The following POLR3A variants were observed in gnomAD, a reference collection of about 807,000 sequenced individuals.
POLR3A encodes RNA polymerase III subunit A.
POLR3A carries 112 observed loss-of-function variants against 152.8 expected under a neutral mutation model. The observed-to-expected ratio is 0.73, with a 90% CI of 0.63 to 0.86. POLR3A has a LOEUF of 0.86. Ranked by LOEUF, POLR3A falls within the 40% of genes least tolerant of loss-of-function variation. The pLI, the probability that POLR3A is intolerant of heterozygous loss-of-function variation, is 0.00. For synonymous variants in POLR3A, 615 were observed against 652.1 expected (o/e 0.94, Z 0.87); for missense variants, 1,385 against 1,743.1 (o/e 0.79, Z 3.66).
intron 5 of POLR3A, 49 bp downstream of exon 5, chr10:78,024,500 G>GAGGCAGGCGGGAGGCAGGCGGA: frequency 6.2e-7 from 1 of 1,601,652 alleles, no homozygotes; most frequent in Non-Finnish European, 8.5e-7. Flanking sequence ...ACGTGCGGAA[G>GAGGCAGGCGGGAGGCAGGCGGA]AGGCAGGCGG....
intron 11 of POLR3A, among the ~76,000 whole-genome samples, chr10:78,011,177 A>G (rs1847463363): frequency 6.6e-6 from 1 of 152,106 alleles, no homozygotes; most frequent in Admixed American, 6.6e-5. Context: ...TGCTTCTCCA[A>G]AGAAAATTCA....
chr10:78,021,828 G>C (rs758147113), intron 7 of POLR3A, 32 bp downstream of exon 7: 1 of 1,612,506 alleles, frequency 6.2e-7, no homozygotes, highest in African/African-American at 1.3e-5. Flanking sequence ...AAGAGAGTGG[G>C]CTGGCTTCTG....
At chr10:78,028,017 T>C (rs1287557710) in intron 1 of POLR3A, among the ~76,000 whole-genome samples, 1 of 152,170 alleles carries the variant, frequency 6.6e-6, no homozygotes, top group Non-Finnish European at 1.5e-5. Flanking sequence ...GAATGCTGCA[T>C]TCACCTAGGT....
At chr10:78,000,865 A>T (rs1360278129) in intron 18 of POLR3A, 111 bp downstream of exon 18, 2 of 700,664 alleles carry the variant, frequency 2.9e-6, no homozygotes, top group African/African-American at 3.5e-5. Flanking sequence ...ACATATATAA[A>T]ACTCCACATG....
Position 77,993,263 on chromosome 10 carries a change from T to C in POLR3A, c.2721A>G (p.Leu907=). The C allele has an allele frequency of 6.2e-7, 1 of 1,613,584 alleles. No individual in the cohort carries two copies. The highest frequency in any genetic ancestry group is 8.5e-7 in the Non-Finnish European group (1 of 1,179,484). ...IIQFIYGGDG[L]DPAAMEGKDE... is the part of the protein sequence containing the mutation. ...CTTTTCCCTCCATAGCTGCAGGATC[T>C]AAGCCATCTCCTCCATAAATGAACT... Residue 907 remains leucine (L), a synonymous_variant, in exon 20 of 31, where the codon TTA becomes TTG. Transcript: ENST00000372371.
chr10:78,012,548 C>G (rs1187010670), intron 11 of POLR3A, among the ~76,000 whole-genome samples: 2 of 151,992 alleles, frequency 1.3e-5, no homozygotes, highest in Non-Finnish European at 2.9e-5. Flanking sequence ...ATAAGACTTA[C>G]CAGTTCCTAA....
Position 77,991,182 on chromosome 10 carries a change from G to T in POLR3A, c.2788-15C>A. The T allele has an allele frequency of 6.7e-7, 1 of 1,489,332 alleles. No homozygotes were observed. Among genetic ancestry groups the T allele is most frequent in the Non-Finnish European group, 9.4e-7 (1 of 1,066,138 alleles). 92.3% of individuals were successfully genotyped at this position (1,489,332 alleles called of 1,614,324 possible). A position where few individuals can be genotyped will look rare whatever the true frequency, so the allele number is the denominator to read the frequency against. On this transcript the variant is annotated splice_polypyrimidine_tract_variant and intron_variant, in intron 20 of 30. Transcript: ENST00000372371. ...GGGAAGACTGCCTTGAGTATTAAAA[G>T]AAAATTGCATTATGTGTGGGTGCCA...
chr10:78,014,751 G>A (rs1022888598), intron 10 of POLR3A, among the ~76,000 whole-genome samples: 6 of 152,092 alleles, frequency 3.9e-5, no homozygotes, highest in African/African-American at 1.4e-4. Context: ...ACGAACACAG[G>A]AGAGCACTAA....
intron 5 of POLR3A, among the ~76,000 whole-genome samples, chr10:78,022,809 GA>G (rs562203430): frequency 3.6e-4 from 55 of 152,094 alleles, no homozygotes; most frequent in South Asian, 1.2e-3. Context: ...CCATTGGGGG[GA>G]AAAAAAGATA....
intron 1 of POLR3A, among the ~76,000 whole-genome samples, chr10:78,028,112 C>A (rs559616828): frequency 6.6e-6 from 1 of 152,298 alleles, no homozygotes; most frequent in Admixed American, 6.5e-5. Flanking sequence ...GTCTCTCGAC[C>A]TCTAATTCTT....
Position 77,981,467 on chromosome 10 carries a change from C to G in POLR3A, c.3852G>C (p.Arg1284Ser). 6.2e-7 allele frequency: 1 copy of G among 1,614,066 alleles called. No individual in the cohort carries two copies. Among genetic ancestry groups the G allele is most frequent in the Non-Finnish European group, 8.5e-7 (1 of 1,179,950 alleles). The change falls in exon 29 of 31, where the codon AGG becomes AGC. Residue 1284 changes from arginine (R) to serine (S), a missense_variant. Physicochemically the swap from Arg to Ser is moderately radical, Grantham distance 110 (BLOSUM62 -1). Around this residue, in one of 7 missense-constraint regions of POLR3A, gnomAD observed 332 missense variants for 400.1 expected, o/e 0.83. Transcript: ENST00000372371. ...TMVNHGMSID[R>S]RHVMLLSDLM... ...GGTCGGAGAGCAGCATCACGTGCCT[C>G]CTGTCGATGCTCATGCCGTGGTTCA...
rs762999828 is a variant in POLR3A at position 77,981,482 on chromosome 10, G to A, written c.3837C>T (p.Gly1279=). The A allele has an allele frequency of 6.2e-7, 1 of 1,614,006 alleles. No individual in the cohort carries two copies. The highest frequency in any genetic ancestry group is 1.7e-5 in the Admixed American group (1 of 60,018). ...TCACGTGCCTCCTGTCGATGCTCAT[G>A]CCGTGGTTCACCATGGTGTACTGGA... is the stretch of plus-strand genomic sequence containing the variant. ...NEIQYTMVNH[G]MSIDRRHVML... The change falls in exon 29 of 31, where the codon GGC becomes GGT. Residue 1279 remains glycine (G), a synonymous_variant. Coordinates refer to ENST00000372371, the MANE Select transcript of POLR3A (RefSeq NM_007055.4).
intron 20 of POLR3A, among the ~76,000 whole-genome samples, chr10:77,992,337 T>A (rs906960115): frequency 9.9e-5 from 15 of 151,104 alleles, no homozygotes; most frequent in African/African-American, 3.7e-4. Context: ...AGTGGTAAGA[T>A]CAGCTCACTG....
At chr10:77,983,706 A>G (rs1847170461) in intron 26 of POLR3A, among the ~76,000 whole-genome samples, 1 of 152,128 alleles carries the variant, frequency 6.6e-6, no homozygotes, top group Non-Finnish European at 1.5e-5. Flanking sequence ...CAAAATTTCA[A>G]CTAATTTTCT....
chr10:77,992,438 CTTTTTTTTTT>C (rs71030926), intron 20 of POLR3A, among the ~76,000 whole-genome samples: 5 of 76,542 alleles, frequency 6.5e-5, no homozygotes, highest in Admixed American at 1.7e-4. Flanking sequence ...CTGGCTAATT[CTTTTTTTTTT>C]TTTTTTTTTT....
intron 1 of POLR3A, among the ~76,000 whole-genome samples, chr10:78,028,835 G>C (rs1036327154): frequency 2.4e-4 from 36 of 151,972 alleles, no homozygotes; most frequent in African/African-American, 6.5e-4. Context: ...CTCTAAGAAG[G>C]AGCCACCGCC....
Position 78,026,715 on chromosome 10 carries a change from T to C in POLR3A, c.45-486A>G, listed in dbSNP as rs138336633. On this transcript the variant is annotated intron_variant, in intron 1 of 30. Coordinates refer to ENST00000372371, the MANE Select transcript of POLR3A (RefSeq NM_007055.4). ...CAACCTTCATCCTCTTATCTTCTCATCCTACACATTCTCCTGAGTGATCAT... is the reference window on the plus strand; with the variant it reads ...CAACCTTCATCCTCTTATCTTCTCACCCTACACATTCTCCTGAGTGATCAT... Among the ~76,000 whole-genome samples, 661 of 152,290 alleles carry C rather than the reference T, an allele frequency of 4.3e-3. 1 individual carries two copies. The highest frequency in any genetic ancestry group is 0.015 in the African/African-American group (638 of 41,566).
At chr10:78,021,445 G>A in intron 8 of POLR3A, 101 bp downstream of exon 8, 2 of 1,161,428 alleles carry the variant, frequency 1.7e-6, no homozygotes, top group Non-Finnish European at 2.6e-6. Flanking sequence ...GGGTTGAGTG[G>A]GTTACTGGGG....
At chr10:78,026,260 A>G (rs1282099022) in intron 1 of POLR3A, 31 bp from the exon 2 acceptor site, 1 of 1,613,694 alleles carries the variant, frequency 6.2e-7, no homozygotes, top group Non-Finnish European at 8.5e-7. Context: ...TGAAAATTAC[A>G]GCAAAATCTG....
Sources: allele counts gnomAD v4.1 joint callset (sites outside exome capture counted in the v4.1 genomes callset), GRCh38; gene constraint gnomAD v4.1.1; regional missense constraint gnomAD v4.1.1; transcripts MANE v1.5; gene names NCBI Gene and HGNC (gene_info 2026-07-23, HGNC 2026-07-21).